Variants in DLG2 observed in about 807,000 individuals in gnomAD.
The protein encoded by DLG2 is discs large MAGUK scaffold protein 2.
Under a neutral mutation model 132.5 loss-of-function variants are expected in DLG2, and 45 were observed. The ratio of observed to expected loss-of-function variants is 0.34; its 90% CI spans 0.27 to 0.44. The LOEUF (loss-of-function observed/expected upper bound fraction) is 0.44. Among genes scored for constraint, DLG2 ranks in the 20% least tolerant of loss-of-function variants. The pLI, the probability that DLG2 is intolerant of heterozygous loss-of-function variation, is 1.00. For synonymous variants in DLG2, 424 were observed against 419.6 expected, an observed-to-expected ratio of 1.01 and a Z score of -0.13; for missense variants, 1,045 against 1,196.9, an observed-to-expected ratio of 0.87 and a Z score of 1.87.
At chr11:85,266,896 A>G (rs545382861) in intron 4 of DLG2, among the ~76,000 whole-genome samples, 31 of 152,362 alleles carry the variant, frequency 2.0e-4, no homozygotes, top group Admixed American at 6.5e-4. Context: ...GTGTTGCACC[A>G]CAAGTTATAG....
chr11:84,792,826 G>C (rs1050340182), intron 6 of DLG2, among the ~76,000 whole-genome samples: 3 of 151,920 alleles, frequency 2.0e-5, no homozygotes, highest in African/African-American at 7.2e-5. Flanking sequence ...TCTTAGTCTG[G>C]ATAAAGGTTT....
intron 2 of DLG2, among the ~76,000 whole-genome samples, chr11:85,622,977 G>A (rs1324684461): frequency 1.3e-5 from 2 of 151,062 alleles, no homozygotes; most frequent in East Asian, 2.0e-4. Flanking sequence ...AGAATTGCAC[G>A]AACCCCGGAG....
At chr11:84,847,826 A>G (rs1203735153) in intron 6 of DLG2, among the ~76,000 whole-genome samples, 1 of 152,126 alleles carries the variant, frequency 6.6e-6, no homozygotes, top group Non-Finnish European at 1.5e-5. Flanking sequence ...GCCTATTTCA[A>G]AAATGTATGG....
In DLG2 at chr11:84,266,234, T is replaced by A. The variant is rs573993591; in HGVS notation, c.520-14943A>T. Reference sequence around the variant, plus strand: ...TCACAAGACCGGTAGTCAAAGAAAATGCAAACTTCACAAGTGAGGAAGATA... The same window carrying A: ...TCACAAGACCGGTAGTCAAAGAAAAAGCAAACTTCACAAGTGAGGAAGATA... On this transcript the variant is annotated intron_variant, in intron 7 of 27. Coordinates refer to ENST00000376104, the MANE Select transcript of DLG2 (RefSeq NM_001142699.3). Among the ~76,000 whole-genome samples the A allele has an allele frequency of 1.7e-4, 26 of 152,236 alleles. No homozygotes were observed. In the East Asian group the frequency reaches 5.0e-3, roughly 29 times the overall value.
At chr11:84,299,771 T>C (rs2098132118) in intron 7 of DLG2, among the ~76,000 whole-genome samples, 1 of 152,222 alleles carries the variant, frequency 6.6e-6, no homozygotes, top group Non-Finnish European at 1.5e-5. Context: ...TCAACGTACT[T>C]ACAGTCTTCA....
At chr11:83,545,757 G>C (rs188062600) in intron 19 of DLG2, among the ~76,000 whole-genome samples, 4 of 152,124 alleles carry the variant, frequency 2.6e-5, no homozygotes, top group Non-Finnish European at 5.9e-5. Context: ...CTTTCCACGA[G>C]CTCTATTGAT....
chr11:83,640,077 A>G (rs2066034455), intron 18 of DLG2, among the ~76,000 whole-genome samples: 2 of 152,286 alleles, frequency 1.3e-5, no homozygotes, highest in East Asian at 3.9e-4. Flanking sequence ...CTATTTGTTC[A>G]TTATAAACGT....
chr11:84,289,995 C>T (rs2097965965), intron 7 of DLG2, among the ~76,000 whole-genome samples: 1 of 152,116 alleles, frequency 6.6e-6, no homozygotes, highest in African/African-American at 2.4e-5. Flanking sequence ...AACAAGATCA[C>T]TCCCAATAAC....
Position 85,395,924 on chromosome 11 carries a change from A to T in DLG2, c.41-110559T>A, listed in dbSNP as rs186348744. 5.2e-4 allele frequency among the ~76,000 whole-genome samples: 79 copies of T among 152,294 alleles called. 2 individuals are homozygous for T. Among genetic ancestry groups the T allele is most frequent in the Non-Finnish European group, 1.8e-4 (12 of 68,016 alleles). ...TGAAGAGACCAGTGGTTCTCTCAGC[A>T]TGGGGTTTGAGCTCTGAGAACAAAC... is the stretch of plus-strand genomic sequence containing the variant. On this transcript the variant is annotated intron_variant, in intron 3 of 27. Coordinates refer to ENST00000376104, the MANE Select transcript of DLG2 (RefSeq NM_001142699.3).
intron 6 of DLG2, among the ~76,000 whole-genome samples, chr11:84,711,388 G>C (rs553756529): frequency 1.1e-5 from 1 of 92,262 alleles, no homozygotes; most frequent in Admixed American, 1.2e-4. Flanking sequence ...GAGATCGATC[G>C]ATCTAGCTAT....
In DLG2 at chr11:83,467,942, T is replaced by C. The variant is rs188095526; in HGVS notation, c.2620-1125A>G. Among the ~76,000 whole-genome samples the C allele has an allele frequency of 3.3e-5, 5 of 151,250 alleles. No individual in the cohort carries two copies. The East Asian group carries it at 9.7e-4, about 29-fold the overall frequency. ...TTTCTTGTTTGTTAACAAATAAAAA[T>C]GCTATTACATTATAGCACACCTCAT... On this transcript the variant is annotated intron_variant, in intron 25 of 27. Transcript: ENST00000376104.
At chr11:84,426,853 T>C (rs933357655) in intron 7 of DLG2, among the ~76,000 whole-genome samples, 1 of 152,096 alleles carries the variant, frequency 6.6e-6, no homozygotes, top group Admixed American at 6.6e-5. Context: ...CTCTTAAAAG[T>C]TGGGTGGTAT....
chr11:84,609,731 A>C (rs12274858), intron 6 of DLG2, among the ~76,000 whole-genome samples: 1 of 152,264 alleles, frequency 6.6e-6, no homozygotes, highest in South Asian at 2.1e-4. Flanking sequence ...TTATGATTGG[A>C]TATACTAGTA....
intron 6 of DLG2, among the ~76,000 whole-genome samples, chr11:85,020,292 T>A (rs902778810): frequency 6.6e-6 from 1 of 152,210 alleles, no homozygotes; most frequent in Non-Finnish European, 1.5e-5. Context: ...TTCATGTCCT[T>A]TGCCCACTTT....
At chr11:84,484,463 A>G (rs563115946) in intron 7 of DLG2, among the ~76,000 whole-genome samples, 1 of 152,264 alleles carries the variant, frequency 6.6e-6, no homozygotes, top group South Asian at 2.1e-4. Flanking sequence ...AAGCTAGCCT[A>G]CTCAGACACA....
chr11:84,701,259 T>C (rs1456580164), intron 6 of DLG2, among the ~76,000 whole-genome samples: 2 of 151,658 alleles, frequency 1.3e-5, no homozygotes, highest in Admixed American at 1.3e-4. Context: ...TTCTGTTTCA[T>C]GTCTACCTGA....
In DLG2 at chr11:84,125,699, G is replaced by A. The variant is rs548178165; in HGVS notation, c.625-26652C>T. On this transcript the variant is annotated intron_variant, in intron 9 of 27. Coordinates refer to ENST00000376104, the MANE Select transcript of DLG2 (RefSeq NM_001142699.3). ...GCCATGCAGGCAGCAAGGACTCAGA[G>A]GACAACACAAGCTACAGGTTCCTAT... Among the ~76,000 whole-genome samples the A allele has an allele frequency of 8.5e-5, 13 of 152,266 alleles. No individual in the cohort carries two copies. The South Asian group carries it at 2.7e-3, about 32-fold the overall frequency.
chr11:83,851,422 C>T (rs1006840293), intron 16 of DLG2, among the ~76,000 whole-genome samples: 4 of 151,036 alleles, frequency 2.6e-5, no homozygotes, highest in African/African-American at 7.3e-5. Flanking sequence ...GTCGGGAGTT[C>T]GAGACTAGCT....
At chr11:84,489,754 C>T (rs899870979) in intron 7 of DLG2, among the ~76,000 whole-genome samples, 4 of 152,066 alleles carry the variant, frequency 2.6e-5, no homozygotes, top group Non-Finnish European at 5.9e-5. Flanking sequence ...TAATGTTCAC[C>T]TCAAAATTTA....
Sources: allele counts gnomAD v4.1 joint callset (sites outside exome capture counted in the v4.1 genomes callset), GRCh38; gene constraint gnomAD v4.1.1; transcripts MANE v1.5; gene names NCBI Gene and HGNC (gene_info 2026-07-23, HGNC 2026-07-21).